GNL3L: variants seen among roughly 807,000 people sequenced by gnomAD.
GNL3L encodes the protein G protein nucleolar 3 like, also known as guanine nucleotide-binding protein-like 3-like protein.
GNL3L carries 4 observed loss-of-function variants against 42.9 expected under a neutral mutation model. The ratio of observed to expected loss-of-function variants is 0.09; its 90% CI spans 0.05 to 0.21. The LOEUF (loss-of-function observed/expected upper bound fraction) is 0.21. Among genes scored for constraint, GNL3L ranks in the 10% least tolerant of loss-of-function variants. The pLI, the probability that GNL3L is intolerant of heterozygous loss-of-function variation, is 1.00. For synonymous variants in GNL3L, 159 were observed against 176.3 expected (o/e 0.90, Z 0.78); for missense variants, 412 against 481.7 (o/e 0.86, Z 1.36).
the GNL3L span, among the ~76,000 whole-genome samples, chrX:54,627,132 C>T: frequency 9.0e-6 from 1 of 110,700 alleles, no homozygotes; most frequent in Non-Finnish European, 1.9e-5. Flanking sequence ...CCTCAGCCTC[C>T]CAAGTAGCTG....
At chrX:54,552,119 T>C (rs1924961044) in intron 12 of GNL3L, 145 bp downstream of exon 12, 1 of 813,113 alleles carries the variant, frequency 1.2e-6, no homozygotes, top group African/African-American at 2.0e-5. Flanking sequence ...CATGTCCTGC[T>C]CGAGACTTTA....
At chrX:54,580,744 T>C (rs953512806) in intron 16 of GNL3L, among the ~76,000 whole-genome samples, 19 of 112,381 alleles carry the variant, frequency 1.7e-4, no homozygotes. Context: ...ATTTCTCTGA[T>C]GGTCTGGCCT....
intron 16 of GNL3L, among the ~76,000 whole-genome samples, chrX:54,617,604 A>G (rs772311646): frequency 1.8e-5 from 2 of 112,137 alleles, no homozygotes; most frequent in Non-Finnish European, 3.8e-5. Flanking sequence ...CCGCAAATTC[A>G]TATGTTGAAA....
At chrX:54,634,787 CTT>C in the GNL3L span, among the ~76,000 whole-genome samples, 52 of 51,603 alleles carry the variant, frequency 1.0e-3, no homozygotes, top group African/African-American at 3.2e-3. Context: ...GCGCCCGGCT[CTT>C]TTTTTTTTTT....
intron 16 of GNL3L, among the ~76,000 whole-genome samples, chrX:54,607,046 TTCTTTCTTTCTTTCTTTC>T (rs1174814618): frequency 7.0e-5 from 5 of 71,239 alleles, no homozygotes; most frequent in Non-Finnish European, 1.2e-4. Flanking sequence ...CTTTCTTTCT[TTCTTTCTTTCTTTCTTTC>T]TTTCTTTCTC....
chrX:54,571,615 G>A (rs1049237695), downstream of GNL3L, among the ~76,000 whole-genome samples: 1 of 107,975 alleles, frequency 9.3e-6, no homozygotes, highest in Non-Finnish European at 1.9e-5. Flanking sequence ...GATTATAGGC[G>A]TGCACTGCTG....
intron 16 of GNL3L, among the ~76,000 whole-genome samples, chrX:54,599,420 TTATC>T (rs202201959): frequency 0.083 from 9,186 of 110,479 alleles, 832 homozygotes; most frequent in African/African-American, 0.26. Context: ...ATACAGGAAA[TTATC>T]TATCTATCTA....
At chrX:54,541,942 C>A (rs1924632708) in intron 5 of GNL3L, among the ~76,000 whole-genome samples, 1 of 110,702 alleles carries the variant, frequency 9.0e-6, no homozygotes, top group South Asian at 3.8e-4. Context: ...CTTTCACACC[C>A]ATGTGCACAC....
Position 54,558,479 on chromosome X carries a change from A to G in GNL3L, c.1490A>G (p.Gln497Arg), listed in dbSNP as rs940584633. 8.3e-7 allele frequency: 1 copy of G among 1,206,472 alleles called. No individual in the cohort carries two copies. The highest frequency in any genetic ancestry group is 2.2e-5 in the Admixed American group (1 of 45,629). Reference sequence around the variant, plus strand: ...TATTGCACCAATCCGAACCGTCATCAGATGGGGTGGGCTAAACGCAATGTG... The same window carrying G: ...TATTGCACCAATCCGAACCGTCATCGGATGGGGTGGGCTAAACGCAATGTG... ...TGYCTNPNRH[Q>R]MGWAKRNVDH... Residue 497 changes from glutamine to arginine, a missense_variant, in exon 15 of 16, where the codon CAG becomes CGG. Physicochemically the swap from Gln to Arg is conservative, Grantham distance 43. Transcript: ENST00000360845.
chrX:54,544,538 C>T (rs1271103622), intron 8 of GNL3L, among the ~76,000 whole-genome samples: 4 of 104,344 alleles, frequency 3.8e-5, no homozygotes, highest in Non-Finnish European at 7.8e-5. Context: ...GGTGTGATCT[C>T]GGCTTACTGC....
chrX:54,628,516 A>G, the GNL3L span, among the ~76,000 whole-genome samples: 1 of 111,131 alleles, frequency 9.0e-6, no homozygotes, highest in Admixed American at 9.6e-5. Context: ...CCATGCCAAC[A>G]TCTATTATTT....
chrX:54,621,496 A>G (rs1416026726), exon 17 of GNL3L, among the ~76,000 whole-genome samples: 1 of 112,265 alleles, frequency 8.9e-6, no homozygotes, highest in Non-Finnish European at 1.9e-5. Context: ...AACATTTTCC[A>G]GCTGAGCCCT....
downstream of GNL3L, among the ~76,000 whole-genome samples, chrX:54,626,429 A>G (rs1430557186): frequency 8.9e-6 from 1 of 111,846 alleles, no homozygotes; most frequent in African/African-American, 3.3e-5. Flanking sequence ...CCATTCATCC[A>G]CTGATGGAAA....
chrX:54,575,688 C>A (rs775398990), intron 16 of GNL3L, among the ~76,000 whole-genome samples: 1 of 111,661 alleles, frequency 9.0e-6, no homozygotes, highest in East Asian at 2.8e-4. Context: ...GAGCTGAGAT[C>A]TCGCCACTGC....
intron 16 of GNL3L, among the ~76,000 whole-genome samples, chrX:54,615,762 T>C (rs1926214026): frequency 9.4e-6 from 1 of 106,867 alleles, no homozygotes; most frequent in Non-Finnish European, 1.9e-5. Flanking sequence ...TGGAGTGCTG[T>C]GGCGTGATCT....
chrX:54,561,875 G>A lies in GNL3L; in HGVS notation c.*1273G>A, dbSNP rs1925281953. 8.9e-6 allele frequency among the ~76,000 whole-genome samples: 1 copy of A among 111,980 alleles called. No individual in the cohort carries two copies. The highest frequency in any genetic ancestry group is 1.9e-5 in the Non-Finnish European group (1 of 53,183). ...CTACCCCATCAGACAAGGGCAGTGAGCCCAAGCAGTGCCAGAGGCCCTCAG... is the reference window on the plus strand; with the variant it reads ...CTACCCCATCAGACAAGGGCAGTGAACCCAAGCAGTGCCAGAGGCCCTCAG... On this transcript the variant is annotated 3_prime_UTR_variant, in exon 16 of 16. Transcript: ENST00000360845.
chrX:54,637,698 T>G, the GNL3L span, among the ~76,000 whole-genome samples: 117 of 112,718 alleles, frequency 1.0e-3, no homozygotes, highest in African/African-American at 3.7e-3. Flanking sequence ...AAGATATGTA[T>G]AAATCAGGGA....
chrX:54,566,518 T>C lies in GNL3L; in HGVS notation c.*5916T>C, dbSNP rs1925432413. ...ACCTCTGGCGACTGCCATGCTACTT[T>C]CTGTCTCTGAATTTGAATACCCTGA... On this transcript the variant is annotated 3_prime_UTR_variant, in exon 16 of 16. Coordinates refer to ENST00000360845, the MANE Select transcript of GNL3L (RefSeq NM_001184819.2). 8.9e-6 allele frequency among the ~76,000 whole-genome samples: 1 copy of C among 112,405 alleles called. No homozygotes were observed. The highest frequency in any genetic ancestry group is 1.9e-5 in the Non-Finnish European group (1 of 53,310).
chrX:54,635,097 T>G, the GNL3L span, among the ~76,000 whole-genome samples: 2 of 111,121 alleles, frequency 1.8e-5, no homozygotes, highest in Non-Finnish European at 3.8e-5. Context: ...TGGCCAATTC[T>G]TTCTTTTCTC....
Sources: gnomAD v4.1 joint callset for allele counts (sites outside exome capture counted in the v4.1 genomes callset) on GRCh38, gnomAD v4.1.1 for gene constraint, MANE v1.5 for transcripts, NCBI Gene and HGNC (gene_info 2026-07-23, HGNC 2026-07-21) for gene names.